NTNG2: variants seen among roughly 807,000 people sequenced by gnomAD.
NTNG2 encodes the protein netrin G2.
In NTNG2, 15 loss-of-function variants were observed where a neutral mutation model predicts 47.6. That is an observed-to-expected ratio of 0.32 (90% confidence interval 0.21 to 0.49). The LOEUF is 0.49. Among genes scored for constraint, NTNG2 ranks in the 20% least tolerant of loss-of-function variants. The pLI, the probability that NTNG2 is intolerant of heterozygous loss-of-function variation, is 0.99. For missense variants in NTNG2, 578 were observed against 764.6 expected (o/e 0.76, Z 2.88); for synonymous variants, 307 against 324.6 (o/e 0.95, Z 0.58).
At chr9:132,238,800 C>T (rs1418000490) in intron 5 of NTNG2, among the ~76,000 whole-genome samples, 1 of 152,268 alleles carries the variant, frequency 6.6e-6, no homozygotes, top group Non-Finnish European at 1.5e-5. Context: ...AGCGCTTGGC[C>T]CTGGTGCCCA....
At chr9:132,227,242 C>T (rs977277695) in intron 4 of NTNG2, among the ~76,000 whole-genome samples, 1 of 152,218 alleles carries the variant, frequency 6.6e-6, no homozygotes, top group Non-Finnish European at 1.5e-5. Flanking sequence ...AACACACGTG[C>T]GTGCATGCAC....
At chr9:132,198,636 C>A in intron 3 of NTNG2, 27 bp downstream of exon 3, 2 of 1,588,818 alleles carry the variant, frequency 1.3e-6, no homozygotes, top group South Asian at 2.3e-5. Flanking sequence ...CCCTGGATGT[C>A]ACCTGCAACC....
At chr9:132,185,523 A>C (rs933392068) in intron 2 of NTNG2, among the ~76,000 whole-genome samples, 1 of 152,088 alleles carries the variant, frequency 6.6e-6, no homozygotes, top group African/African-American at 2.4e-5. Flanking sequence ...TATGCTCTGC[A>C]CAAGCTTTTA....
chr9:132,171,639 G>C (rs1315596758), intron 2 of NTNG2, among the ~76,000 whole-genome samples: 1 of 152,196 alleles, frequency 6.6e-6, no homozygotes, highest in Non-Finnish European at 1.5e-5. Flanking sequence ...CAGAGCAAAT[G>C]GTTCCATTCC....
At chr9:132,230,710 C>T (rs1202714475) in intron 5 of NTNG2, 115 bp downstream of exon 5, 3 of 1,035,004 alleles carry the variant, frequency 2.9e-6, no homozygotes, top group Admixed American at 2.1e-5. Flanking sequence ...GGGACTTGGG[C>T]CTATTCACTC....
In NTNG2 at chr9:132,162,144, C is replaced by T. The variant is rs568223689; in HGVS notation, c.-579C>T. On this transcript the variant is annotated 5_prime_UTR_variant, in exon 1 of 8. Transcript: ENST00000393229. This position sits in a 1 kb window ranked among gnomAD's most constrained non-coding sequence, Gnocchi z 4.6. ...GCTCGCAGCCCTCGGCCCGCGCCCC[C>T]ACCCAGCGCCAGCCCGAGGGGGGAG... The T allele has an allele frequency of 6.6e-6, 1 of 152,200 alleles. No homozygotes were observed. Among genetic ancestry groups the T allele is most frequent in the African/African-American group, 2.4e-5 (1 of 41,462 alleles). The allele number at this position is 152,200 out of a possible 1,614,324, so 9.4% of individuals were successfully genotyped here.
At position 132,180,583 on chromosome 9, in the gene NTNG2, G is replaced by A. The variant is rs1311892617; in HGVS notation, c.213+13539G>A. On this transcript the variant is annotated intron_variant, in intron 2 of 7. Transcript: ENST00000393229. This position sits in a 1 kb window ranked among gnomAD's most constrained non-coding sequence, Gnocchi z 4.2. ...CCAGGAACTGGGTGGCCCCGGGCAA[G>A]TCTCTTCCCATTTCGGGGTATAGAC... is the stretch of plus-strand genomic sequence containing the variant. Among the ~76,000 whole-genome samples the A allele has an allele frequency of 6.6e-6, 1 of 152,250 alleles. No homozygotes were observed. The highest frequency in any genetic ancestry group is 1.5e-5 in the Non-Finnish European group (1 of 68,048).
Position 132,166,420 on chromosome 9 carries a change from G to A in NTNG2, c.-412G>A, listed in dbSNP as rs1835508245. 7.9e-5 allele frequency: 19 copies of A among 240,226 alleles called. 1 individual carries two copies. The South Asian group carries it at 1.1e-3, about 14-fold the overall frequency. 14.9% of individuals were successfully genotyped at this position (240,226 alleles called of 1,614,324 possible). A position where few individuals can be genotyped will look rare whatever the true frequency, so the allele number is the denominator to read the frequency against. ...AGCCCTTTAAAGACCTGGATTGATT[G>A]GAAGGACAAAAATTAAAAGCAATCT... On this transcript the variant is annotated 5_prime_UTR_variant, in exon 2 of 8. Coordinates refer to ENST00000393229, the MANE Select transcript of NTNG2 (RefSeq NM_032536.4).
Position 132,180,072 on chromosome 9 carries a change from G to A in NTNG2, c.213+13028G>A, listed in dbSNP as rs562253955. Among the ~76,000 whole-genome samples the A allele has an allele frequency of 1.3e-5, 2 of 152,208 alleles. No homozygotes were observed. The highest frequency in any genetic ancestry group is 2.9e-5 in the Non-Finnish European group (2 of 68,036). On this transcript the variant is annotated intron_variant, in intron 2 of 7. Coordinates refer to ENST00000393229, the MANE Select transcript of NTNG2 (RefSeq NM_032536.4). This position sits in a 1 kb window ranked among gnomAD's most constrained non-coding sequence, Gnocchi z 4.2. ...AAGGACCTGGCATCCTTCTGTCCCAGGGCAGTTTGTCTTGGGTCTCTCAGG... is the reference window on the plus strand; with the variant it reads ...AAGGACCTGGCATCCTTCTGTCCCAAGGCAGTTTGTCTTGGGTCTCTCAGG...
chr9:132,199,287 C>T (rs993559048), intron 3 of NTNG2, among the ~76,000 whole-genome samples: 4 of 152,094 alleles, frequency 2.6e-5, no homozygotes, highest in Non-Finnish European at 4.4e-5. Context: ...TTTCCGAGAC[C>T]GCCCTCAGGC....
chr9:132,229,639 G>A (rs1045634404), intron 4 of NTNG2, among the ~76,000 whole-genome samples: 1 of 152,180 alleles, frequency 6.6e-6, no homozygotes, highest in African/African-American at 2.4e-5. Flanking sequence ...GGTGTCCTCA[G>A]GGTCTAGCAG....
intron 3 of NTNG2, among the ~76,000 whole-genome samples, chr9:132,214,490 G>A (rs1839831025): frequency 6.6e-6 from 1 of 152,242 alleles, no homozygotes; most frequent in Non-Finnish European, 1.5e-5. Flanking sequence ...TCCCCTGGAG[G>A]TGAGGCCCGG....
intron 3 of NTNG2, among the ~76,000 whole-genome samples, chr9:132,216,276 G>T (rs529266875): frequency 6.6e-6 from 1 of 152,302 alleles, no homozygotes; most frequent in East Asian, 1.9e-4. Context: ...GTGCCAGGCA[G>T]TGTGTTAGAC....
At chr9:132,185,452 G>A (rs1026539443) in intron 2 of NTNG2, among the ~76,000 whole-genome samples, 27 of 152,136 alleles carry the variant, frequency 1.8e-4, no homozygotes, top group African/African-American at 6.3e-4. Flanking sequence ...TCCTCCCTCC[G>A]TGATAAAATA....
chr9:132,169,942 T>C (rs1275178589), intron 2 of NTNG2, among the ~76,000 whole-genome samples: 1 of 152,206 alleles, frequency 6.6e-6, no homozygotes, highest in Non-Finnish European at 1.5e-5. Context: ...GGGAGCTTCC[T>C]CGCCTGCAGC....
intron 3 of NTNG2, among the ~76,000 whole-genome samples, chr9:132,202,216 G>A (rs1204804833): frequency 6.6e-6 from 1 of 152,218 alleles, no homozygotes; most frequent in Non-Finnish European, 1.5e-5. Context: ...GTGATTTCCA[G>A]CTCCAAGGGG....
chr9:132,242,013 G>A lies in NTNG2; in HGVS notation c.1495G>A (p.Gly499Ser), dbSNP rs1239319759. ...CTGCGACCCCGCCGACGATGACGGC[G>A]GTCTGGACTGCGACCGCGCGCCCGG... ...PRCDPADDDG[G>S]LDCDRAPGAA... is the part of the protein sequence containing the mutation. The change falls in exon 8 of 8, where the codon GGT becomes AGT. Residue 499 changes from glycine to serine, a missense_variant. Gly to Ser is a moderately conservative substitution (Grantham distance 56, BLOSUM62 0). Coordinates refer to ENST00000393229, the MANE Select transcript of NTNG2 (RefSeq NM_032536.4). This position sits in a 1 kb window ranked among gnomAD's most constrained non-coding sequence, Gnocchi z 5.9. 2.1e-6 allele frequency: 3 copies of A among 1,429,830 alleles called. No homozygotes were observed. The highest frequency in any genetic ancestry group is 2.8e-5 in the Admixed American group (1 of 35,240). 88.6% of individuals were successfully genotyped at this position (1,429,830 alleles called of 1,614,324 possible). A position where few individuals can be genotyped will look rare whatever the true frequency, so the allele number is the denominator to read the frequency against.
intron 2 of NTNG2, among the ~76,000 whole-genome samples, chr9:132,196,856 C>T (rs796717109): frequency 6.6e-6 from 1 of 152,224 alleles, no homozygotes; most frequent in South Asian, 2.1e-4. Flanking sequence ...TCCTGCCTCC[C>T]GTACTTCTGT....
intron 5 of NTNG2, chr9:132,233,331 G>GTA (rs959404911): frequency 3.6e-5 from 5 of 140,032 alleles, no homozygotes; most frequent in African/African-American, 1.3e-4. Flanking sequence ...ACACGCACAT[G>GTA]TACACACACA....
Sources: gnomAD v4.1 joint callset for allele counts (sites outside exome capture counted in the v4.1 genomes callset) on GRCh38, gnomAD v4.1.1 for gene constraint, Gnocchi (gnomAD v3.1) non-coding constraint, MANE v1.5 for transcripts, NCBI Gene and HGNC (gene_info 2026-07-23, HGNC 2026-07-21) for gene names.